The following SCHIP1 variants were observed in gnomAD, a reference collection of about 807,000 sequenced individuals.
SCHIP1 encodes the protein schwannomin-interacting protein 1.
A neutral mutation model predicts 29.7 loss-of-function variants in SCHIP1; 8 were observed. The ratio of observed to expected loss-of-function variants is 0.27; its 90% CI spans 0.16 to 0.49. The LOEUF (loss-of-function observed/expected upper bound fraction) is 0.49. Among genes scored for constraint, SCHIP1 ranks in the 20% least tolerant of loss-of-function variants. The pLI, the probability that SCHIP1 is intolerant of heterozygous loss-of-function variation, is 0.99. For missense variants in SCHIP1, 193 were observed against 294.6 expected (o/e 0.66, Z 2.52); for synonymous variants, 76 against 94.9 (o/e 0.80, Z 1.16).
chr3:159,622,799 T>C, the SCHIP1 span, among the ~76,000 whole-genome samples: 2 of 152,006 alleles, frequency 1.3e-5, no homozygotes, highest in Non-Finnish European at 2.9e-5. Context: ...GGCCCAGTAG[T>C]CCTAGCTACT....
At chr3:159,817,538 T>A in the SCHIP1 span, among the ~76,000 whole-genome samples, 2 of 152,170 alleles carry the variant, frequency 1.3e-5, no homozygotes, top group Non-Finnish European at 2.9e-5. Flanking sequence ...TAGCTGACTT[T>A]TTAAAATGCC....
the SCHIP1 span, among the ~76,000 whole-genome samples, chr3:159,344,366 A>G: frequency 6.6e-6 from 1 of 151,982 alleles, no homozygotes; most frequent in Admixed American, 6.6e-5. Context: ...TTCTAATACC[A>G]TTCCCCAGTA....
the SCHIP1 span, among the ~76,000 whole-genome samples, chr3:159,523,524 G>A: frequency 6.6e-6 from 1 of 152,162 alleles, no homozygotes; most frequent in African/African-American, 2.4e-5. Context: ...TAGGGAAAGA[G>A]GAATCGATGT....
the SCHIP1 span, among the ~76,000 whole-genome samples, chr3:159,280,048 T>TG: frequency 6.6e-6 from 1 of 152,300 alleles, no homozygotes; most frequent in South Asian, 2.1e-4. Context: ...TCTTCTATAA[T>TG]GGGGGGTAGA....
chr3:159,582,453 A>G, the SCHIP1 span, among the ~76,000 whole-genome samples: 1 of 152,024 alleles, frequency 6.6e-6, no homozygotes, highest in African/African-American at 2.4e-5. Flanking sequence ...ATGAGCCACC[A>G]CACCCAGCCA....
At chr3:159,439,849 T>C in the SCHIP1 span, among the ~76,000 whole-genome samples, 1,613 of 152,284 alleles carry the variant, frequency 0.011, 35 homozygotes, top group African/African-American at 0.037. Flanking sequence ...ACTCTGTTGA[T>C]AGTTTGTTTT....
chr3:159,790,604 T>G, the SCHIP1 span, among the ~76,000 whole-genome samples: 1 of 152,190 alleles, frequency 6.6e-6, no homozygotes, highest in Non-Finnish European at 1.5e-5. Context: ...GAGAAACACT[T>G]GAACCCAGGA....
chr3:159,816,974 A>G, the SCHIP1 span, among the ~76,000 whole-genome samples: 1 of 152,098 alleles, frequency 6.6e-6, no homozygotes, highest in Non-Finnish European at 1.5e-5. Flanking sequence ...CTAACCAATT[A>G]TATATATTGT....
chr3:159,595,493 G>T, the SCHIP1 span, among the ~76,000 whole-genome samples: 1 of 152,044 alleles, frequency 6.6e-6, no homozygotes, highest in African/African-American at 2.4e-5. Context: ...GATGACCAAG[G>T]CCTGCCTCTG....
chr3:159,546,760 T>C, the SCHIP1 span, among the ~76,000 whole-genome samples: 376 of 152,356 alleles, frequency 2.5e-3, 1 homozygote, highest in South Asian at 0.012. Context: ...ACTCATTCTT[T>C]TTTTGGCTGC....
chr3:159,273,608 T>C, the SCHIP1 span: 1 of 1,299,962 alleles, frequency 7.7e-7, no homozygotes, highest in South Asian at 2.4e-5. Context: ...TTGCCAATAC[T>C]TGAAGATTTC....
chr3:159,564,217 G>A, the SCHIP1 span, among the ~76,000 whole-genome samples: 2 of 152,122 alleles, frequency 1.3e-5, no homozygotes, highest in African/African-American at 4.8e-5. Flanking sequence ...TTTTATTGGG[G>A]GATAATGCAC....
At chr3:159,590,920 G>A in the SCHIP1 span, among the ~76,000 whole-genome samples, 30 of 152,078 alleles carry the variant, frequency 2.0e-4, no homozygotes, top group Admixed American at 1.8e-3. Context: ...TTTATCATTT[G>A]AACTCAGATG....
chr3:159,780,135 C>G, the SCHIP1 span, among the ~76,000 whole-genome samples: 1 of 152,194 alleles, frequency 6.6e-6, no homozygotes, highest in East Asian at 1.9e-4. Flanking sequence ...AGTTCCTTCT[C>G]CTCCCCTGGC....
the SCHIP1 span, among the ~76,000 whole-genome samples, chr3:159,526,320 C>T: frequency 6.6e-6 from 1 of 152,122 alleles, no homozygotes; most frequent in Non-Finnish European, 1.5e-5. Flanking sequence ...AGGGGTGCAC[C>T]ACTGTGCCCG....
At chr3:159,724,653 C>CA in the SCHIP1 span, among the ~76,000 whole-genome samples, 1 of 152,010 alleles carries the variant, frequency 6.6e-6, no homozygotes, top group South Asian at 2.1e-4. Context: ...TCTGGAGCTC[C>CA]AAAAAAGTGA....
the SCHIP1 span, among the ~76,000 whole-genome samples, chr3:159,492,430 C>T: frequency 6.6e-6 from 1 of 152,138 alleles, no homozygotes; most frequent in Non-Finnish European, 1.5e-5. Flanking sequence ...CTGAAAACCA[C>T]AGCACAAGAA....
At chr3:159,408,947 G>A in the SCHIP1 span, among the ~76,000 whole-genome samples, 2 of 152,126 alleles carry the variant, frequency 1.3e-5, no homozygotes, top group African/African-American at 4.8e-5. Context: ...TTATAACCAG[G>A]TGGGATTTAT....
the SCHIP1 span, among the ~76,000 whole-genome samples, chr3:159,418,874 T>G: frequency 3.3e-5 from 5 of 152,214 alleles, no homozygotes; most frequent in Admixed American, 2.6e-4. Flanking sequence ...TGTTAGGTAA[T>G]GAAAAGAACG....
Sources: allele counts gnomAD v4.1 joint callset (sites outside exome capture counted in the v4.1 genomes callset), GRCh38; gene constraint gnomAD v4.1.1; transcripts MANE v1.5; gene names NCBI Gene and HGNC (gene_info 2026-07-23, HGNC 2026-07-21).